The following PVT1 variants were observed in gnomAD, a reference collection of about 807,000 sequenced individuals.
PVT1 encodes CXCR4/PVT1 fusion.
At chr8:127,828,624 T>C (rs1009654854) in intron 2 of PVT1, among the ~76,000 whole-genome samples, 5 of 152,146 alleles carry the variant, frequency 3.3e-5, no homozygotes, top group African/African-American at 1.2e-4. Context: ...GGCCAGGTTT[T>C]TCTATAAACG....
intron 4 of PVT1, among the ~76,000 whole-genome samples, chr8:128,058,968 G>C (rs1258005802): frequency 6.6e-6 from 1 of 152,128 alleles, no homozygotes; most frequent in African/African-American, 2.4e-5. Context: ...ACTGTGTAGT[G>C]AGTGCCCTTT....
chr8:127,834,751 C>A (rs1814890544), intron 2 of PVT1, among the ~76,000 whole-genome samples: 1 of 152,012 alleles, frequency 6.6e-6, no homozygotes, highest in Non-Finnish European at 1.5e-5. Flanking sequence ...CAAACAAAAA[C>A]CCCATCAAAA....
At chr8:128,015,054 G>GTTTTATTT in intron 4 of PVT1, among the ~76,000 whole-genome samples, 1 of 146,084 alleles carries the variant, frequency 6.8e-6, no homozygotes, top group East Asian at 2.0e-4. Context: ...AAGAGAAATA[G>GTTTTATTT]ATTTATTTAT....
chr8:127,952,600 C>A (rs1367219646), intron 3 of PVT1, among the ~76,000 whole-genome samples: 1 of 152,156 alleles, frequency 6.6e-6, no homozygotes, highest in East Asian at 1.9e-4. Flanking sequence ...TTTTGGGTAC[C>A]TATTTTGTGC....
intron 4 of PVT1, among the ~76,000 whole-genome samples, chr8:128,020,343 A>G (rs2036240): frequency 0.83 from 126,613 of 152,206 alleles, 52,795 homozygotes; most frequent in East Asian, 0.89. Flanking sequence ...ATCCAGGTGG[A>G]TCCAATCCAA....
rs60359946 is a variant in PVT1 at position 127,914,260 on chromosome 8, C to CAAAAAAAA, written n.782+23295_782+23302dup. On this transcript the variant is annotated intron_variant and non_coding_transcript_variant, in intron 3 of 10. Transcript: ENST00000651587. The stretch of plus-strand genomic sequence containing the variant: ...AATTAAACACCACCACCACCAACAG[C>CAAAAAAAA]AAAAAAAAAAAAAAAAAAAAAAAAA... Among the ~76,000 whole-genome samples, 63 of 47,842 alleles carry CAAAAAAAA rather than the reference C, an allele frequency of 1.3e-3. 2 individuals carry two copies. Among genetic ancestry groups the CAAAAAAAA allele is most frequent in the Non-Finnish European group, 2.1e-3 (46 of 22,022 alleles). 31.4% of individuals were successfully genotyped at this position (47,842 alleles called of 152,430 possible). A position where few individuals can be genotyped will look rare whatever the true frequency, so the allele number is the denominator to read the frequency against.
At chr8:127,951,462 G>GCTGTGATCC (rs1349790825) in intron 3 of PVT1, among the ~76,000 whole-genome samples, 3 of 152,196 alleles carry the variant, frequency 2.0e-5, no homozygotes, top group Admixed American at 2.0e-4. Context: ...TGATCAAAAG[G>GCTGTGATCC]AAGACAGCGT....
Position 127,885,283 on chromosome 8 carries a change from A to T in PVT1, n.373-5306A>T, listed in dbSNP as rs78533356. Among the ~76,000 whole-genome samples the T allele has an allele frequency of 4.5e-4, 68 of 152,108 alleles. 1 individual carries two copies. In the South Asian group the frequency reaches 0.01, roughly 23 times the overall value. ...GAATGATAGATCCGTCAAGCTCTTA[A>T]TATGTGCCCAGCAACATGCTAAGTC... is the stretch of plus-strand genomic sequence containing the variant. On this transcript the variant is annotated intron_variant and non_coding_transcript_variant, in intron 2 of 10. Coordinates refer to ENST00000651587, the Ensembl canonical transcript of PVT1.
At chr8:127,795,522 G>A (rs1814385520) in intron 1 of PVT1, among the ~76,000 whole-genome samples, 1 of 152,144 alleles carries the variant, frequency 6.6e-6, no homozygotes, top group African/African-American at 2.4e-5. Flanking sequence ...AGGATTTAGG[G>A]ACAAGAGGAT....
At chr8:127,987,175 G>GCGCCTT in intron 3 of PVT1, among the ~76,000 whole-genome samples, 1 of 152,372 alleles carries the variant, frequency 6.6e-6, no homozygotes, top group East Asian at 1.9e-4. Context: ...GAATTTGCTA[G>GCGCCTT]TAAAGGCGCT....
chr8:127,833,975 A>G lies in PVT1; in HGVS notation n.372+37904A>G, dbSNP rs180679654. ...TGAGAATTGGATCTAACAAGCTCAC[A>G]GGTGACACTGAAGTTGACGACCTTG... On this transcript the variant is annotated intron_variant and non_coding_transcript_variant, in intron 2 of 10. Coordinates refer to ENST00000651587, the Ensembl canonical transcript of PVT1. 3.7e-4 allele frequency among the ~76,000 whole-genome samples: 56 copies of G among 152,306 alleles called. 1 individual carries two copies. Among genetic ancestry groups the G allele is most frequent in the Admixed American group, 3.2e-3 (49 of 15,298 alleles).
At chr8:127,935,230 T>G (rs1414024223) in intron 3 of PVT1, among the ~76,000 whole-genome samples, 1 of 152,148 alleles carries the variant, frequency 6.6e-6, no homozygotes, top group African/African-American at 2.4e-5. Flanking sequence ...CCTCCCAAAG[T>G]GCTGGGATTA....
In PVT1 at chr8:127,924,764, G is replaced by A. The variant is rs534245609; in HGVS notation, n.782+33766G>A. ...CTGACCTCGTGATCCGCCCACCTCG[G>A]CCTCCCAAAGTGCTGGGATTACAGG... On this transcript the variant is annotated intron_variant and non_coding_transcript_variant, in intron 3 of 10. Transcript: ENST00000651587. Among the ~76,000 whole-genome samples the A allele has an allele frequency of 7.0e-4, 107 of 152,112 alleles. 2 individuals carry two copies. In the South Asian group the frequency reaches 0.021, roughly 30 times the overall value.
intron 4 of PVT1, chr8:128,009,730 T>C (rs1817291705): frequency 6.6e-6 from 1 of 152,208 alleles, no homozygotes; most frequent in Non-Finnish European, 1.5e-5. Context: ...TAAATAATCA[T>C]GTAGTACAGT....
At chr8:128,073,825 G>C (rs1328431104) in intron 5 of PVT1, among the ~76,000 whole-genome samples, 1 of 146,866 alleles carries the variant, frequency 6.8e-6, no homozygotes, top group Non-Finnish European at 1.5e-5. Context: ...TTTAAGATGA[G>C]AAAACTGCTA....
At chr8:127,938,973 A>G (rs1422254062) in intron 3 of PVT1, among the ~76,000 whole-genome samples, 1 of 152,208 alleles carries the variant, frequency 6.6e-6, no homozygotes, top group Non-Finnish European at 1.5e-5. Context: ...GGATGCTGCA[A>G]TTTAGGACTT....
chr8:127,928,455 T>C (rs1311799290), intron 3 of PVT1, among the ~76,000 whole-genome samples: 2 of 152,244 alleles, frequency 1.3e-5, no homozygotes, highest in African/African-American at 4.8e-5. Flanking sequence ...TGGTCCTGAA[T>C]TGTCTTCTTT....
chr8:128,093,756 G>A (rs1814391357), intron 5 of PVT1, among the ~76,000 whole-genome samples: 1 of 151,744 alleles, frequency 6.6e-6, no homozygotes, highest in Non-Finnish European at 1.5e-5. Context: ...CTCTGCCTCA[G>A]CCTCCTGAGT....
At chr8:127,937,582 G>C (rs6992456) in intron 3 of PVT1, among the ~76,000 whole-genome samples, 1,736 of 92,958 alleles carry the variant, frequency 0.019, 13 homozygotes, top group African/African-American at 0.049. Context: ...CACACACACA[G>C]AGAGAGAGAG....
Sources: gnomAD v4.1 joint callset for allele counts (sites outside exome capture counted in the v4.1 genomes callset) on GRCh38, gnomAD v4.1.1 for gene constraint, MANE v1.5 for transcripts, NCBI Gene and HGNC (gene_info 2026-07-23, HGNC 2026-07-21) for gene names.